AFDN: variants seen among roughly 807,000 people sequenced by gnomAD.
AFDN encodes afadin, adherens junction formation factor.
Under a neutral mutation model 216.6 loss-of-function variants are expected in AFDN, and 68 were observed. The observed-to-expected ratio is 0.31, with a 90% CI of 0.26 to 0.38. The LOEUF is 0.38. Among genes scored for constraint, AFDN ranks in the 10% least tolerant of loss-of-function variants. The pLI, the probability that AFDN is intolerant of heterozygous loss-of-function variation, is 1.00. For missense variants in AFDN, 2,136 were observed against 2,342.0 expected, an observed-to-expected ratio of 0.91 and a Z score of 1.82; for synonymous variants, 868 against 853.7, an observed-to-expected ratio of 1.02 and a Z score of -0.29.
intron 1 of AFDN, among the ~76,000 whole-genome samples, chr6:167,856,176 G>A (rs1234653999): frequency 2.6e-5 from 4 of 152,060 alleles, no homozygotes; most frequent in South Asian, 4.1e-4. Flanking sequence ...TTCAAGTAGC[G>A]CTTATTTTAC....
At chr6:167,861,030 T>C (rs369066123) in intron 1 of AFDN, among the ~76,000 whole-genome samples, 1 of 152,236 alleles carries the variant, frequency 6.6e-6, no homozygotes, top group Non-Finnish European at 1.5e-5. Flanking sequence ...GCCCTGCTGC[T>C]GGGCAAGCTA....
chr6:167,969,272 G>GATTA (rs1797851696), intron 33 of AFDN, 74 bp downstream of exon 33: 1 of 1,154,948 alleles, frequency 8.7e-7, no homozygotes, highest in Non-Finnish European at 1.3e-6. Context: ...GACACCTTGA[G>GATTA]ATTATGTAAA....
At chr6:167,875,580 C>G in intron 5 of AFDN, 85 bp downstream of exon 5, 2 of 1,347,960 alleles carry the variant, frequency 1.5e-6, no homozygotes, top group Non-Finnish European at 2.1e-6. Flanking sequence ...CTTGCTTTAA[C>G]TAAAGCAATG....
rs562123668 is a variant in AFDN, at chr6:167,963,554, G to C, written c.4968+987G>C. Reference sequence around the variant, plus strand: ...TCTATTAGGATACAGAACAATCTAAGAGTAAGCTTGATAGACATGATGTGA... The same window carrying C: ...TCTATTAGGATACAGAACAATCTAACAGTAAGCTTGATAGACATGATGTGA... On this transcript the variant is annotated intron_variant, in intron 31 of 33. Coordinates refer to ENST00000683244, the MANE Select transcript of AFDN (RefSeq NM_001386888.1). 168 of 1,057,628 alleles carry C rather than the reference G, an allele frequency of 1.6e-4. No homozygotes were observed. In the African/African-American group the frequency reaches 1.9e-3, roughly 12 times the overall value. The allele number at this position is 1,057,628 out of a possible 1,614,324, so 65.5% of individuals were successfully genotyped here.
At chr6:167,866,997 G>A (rs1338634686) in intron 2 of AFDN, among the ~76,000 whole-genome samples, 1 of 152,084 alleles carries the variant, frequency 6.6e-6, no homozygotes, top group East Asian at 1.9e-4. Context: ...GAATTCAGTA[G>A]GAAACATAAA....
At chr6:167,945,032 TAC>T (rs1795104890) in intron 26 of AFDN, among the ~76,000 whole-genome samples, 1 of 152,116 alleles carries the variant, frequency 6.6e-6, no homozygotes, top group African/African-American at 2.4e-5. Flanking sequence ...GTAACTTTAC[TAC>T]ATAAAATTTT....
intron 23 of AFDN, among the ~76,000 whole-genome samples, chr6:167,942,692 A>T (rs766829880): frequency 6.6e-6 from 1 of 152,294 alleles, no homozygotes. Flanking sequence ...TTCTCTTACT[A>T]AGTTCCTCTG....
chr6:167,924,096 TAAAA>T (rs534001758), intron 22 of AFDN, among the ~76,000 whole-genome samples: 3 of 148,220 alleles, frequency 2.0e-5, no homozygotes, highest in East Asian at 1.9e-4. Context: ...GGTTTTGATT[TAAAA>T]AAAAAAATAA....
At chr6:167,858,449 T>TCGTG (rs1783146052) in intron 1 of AFDN, among the ~76,000 whole-genome samples, 2 of 152,226 alleles carry the variant, frequency 1.3e-5, no homozygotes. Flanking sequence ...AATCGTGTGC[T>TCGTG]TTCTCTCTGT....
rs532065263 is a variant in AFDN, at chr6:167,883,072, T to C, written c.897+2555T>C. 2.0e-4 allele frequency among the ~76,000 whole-genome samples: 30 copies of C among 152,068 alleles called. No individual in the cohort carries two copies. The South Asian group carries it at 6.0e-3, about 31-fold the overall frequency. On this transcript the variant is annotated intron_variant, in intron 6 of 33. Transcript: ENST00000683244. Reference sequence around the variant, plus strand: ...TCCCATGTGCCCTATCTCAAAAAAGTGCTGGAGGACATTGTCCAGCAGAAT... The same window carrying C: ...TCCCATGTGCCCTATCTCAAAAAAGCGCTGGAGGACATTGTCCAGCAGAAT...
At chr6:167,857,945 T>C (rs2300085) in intron 1 of AFDN, among the ~76,000 whole-genome samples, 83,511 of 152,042 alleles carry the variant, frequency 0.55, 23,894 homozygotes, top group African/African-American at 0.66. Context: ...TTAAAGATTA[T>C]GATTGAGTTA....
At chr6:167,829,646 G>A (rs192254367) in intron 1 of AFDN, among the ~76,000 whole-genome samples, 2 of 151,880 alleles carry the variant, frequency 1.3e-5, no homozygotes, top group East Asian at 1.9e-4. Context: ...CTTTTTATGT[G>A]TATGAGAGTA....
intron 11 of AFDN, among the ~76,000 whole-genome samples, chr6:167,900,917 G>A (rs545543303): frequency 4.6e-5 from 7 of 152,302 alleles, no homozygotes; most frequent in Admixed American, 2.6e-4. Flanking sequence ...GTAATATATT[G>A]CAGAAAGTTG....
Position 167,946,847 on chromosome 6 carries a change from G to T in AFDN, c.3499G>T (p.Asp1167Tyr). The T allele has an allele frequency of 6.2e-7, 1 of 1,613,056 alleles. No homozygotes were observed. Among genetic ancestry groups the T allele is most frequent in the South Asian group, 1.1e-5 (1 of 90,646 alleles). The change falls in exon 27 of 34, where the codon GAT becomes TAT. Residue 1167 changes from aspartate (D) to tyrosine (Y), a missense_variant. Asp to Tyr is a radical substitution (Grantham distance 160, BLOSUM62 -3). Transcript: ENST00000683244. The part of the protein sequence containing the change: ...EYSEPKKLPG[D>Y]DRLMKNRADH... ...TAGTGAACCAAAGAAATTGCCTGGT[G>T]ATGACAGACTGATGAAAAATAGAGC...
chr6:167,850,822 T>TA (rs1177633831), intron 1 of AFDN, among the ~76,000 whole-genome samples: 2 of 152,212 alleles, frequency 1.3e-5, no homozygotes, highest in Non-Finnish European at 2.9e-5. Context: ...GTAGATCAGT[T>TA]ATATCACTGG....
upstream of AFDN, chr6:167,826,845 GCGGCGGCGCGCA>G (rs902765738): frequency 2.7e-5 from 4 of 145,534 alleles, no homozygotes; most frequent in Non-Finnish European, 4.6e-5. Context: ...CGCACGGCGG[GCGGCGGCGCGCA>G]CGGCGGCGGG....
intron 11 of AFDN, among the ~76,000 whole-genome samples, chr6:167,900,412 A>G (rs1456400300): frequency 6.6e-6 from 1 of 152,192 alleles, no homozygotes; most frequent in African/African-American, 2.4e-5. Context: ...CTAGTTTACA[A>G]TTATCAAGTA....
chr6:167,882,727 C>T (rs987146566), intron 6 of AFDN, among the ~76,000 whole-genome samples: 1 of 152,094 alleles, frequency 6.6e-6, no homozygotes, highest in South Asian at 2.1e-4. Flanking sequence ...TCTCTCAGGA[C>T]TGAAGAAGTT....
At chr6:167,965,582 T>TG (rs1307505010) in intron 31 of AFDN, among the ~76,000 whole-genome samples, 175 bp from the exon 32 acceptor site, 2 of 152,344 alleles carry the variant, frequency 1.3e-5, no homozygotes, top group African/African-American at 4.8e-5. Context: ...TTAATGTACT[T>TG]GTAAGTCTAG....
Sources: gnomAD v4.1 joint callset for allele counts (sites outside exome capture counted in the v4.1 genomes callset) on GRCh38, gnomAD v4.1.1 for gene constraint, MANE v1.5 for transcripts, NCBI Gene and HGNC (gene_info 2026-07-23, HGNC 2026-07-21) for gene names.